The following NBPF10 variants were observed in gnomAD, a reference collection of about 807,000 sequenced individuals.
NBPF10 encodes the protein NBPF member 10.
Under a neutral mutation model 77.9 loss-of-function variants are expected in NBPF10, and 63 were observed. The observed-to-expected ratio is 0.81, with a 90% CI of 0.66 to 1.00. The LOEUF (loss-of-function observed/expected upper bound fraction) is 1.00. NBPF10 is among the 50% of genes least tolerant of loss of function. The probability of loss-of-function intolerance (pLI) is 0.00; values close to 1 mark genes in which losing one functional copy is unlikely to be tolerated. For synonymous variants in NBPF10, 146 were observed against 264.5 expected (o/e 0.55, Z 4.35); for missense variants, 522 against 679.8 (o/e 0.77, Z 2.58).
chr1:146,127,111 T>A (rs372452648), intron 12 of NBPF10, 32 bp from the exon 13 acceptor site: 6,056 of 476,616 alleles, frequency 0.013, 1,030 homozygotes, highest in Middle Eastern at 0.035. Flanking sequence ...CCCTCTTACA[T>A]TAAGTTCTTC....
chr1:146,080,994 C>CAG (rs1656250567), intron 71 of NBPF10, among the ~76,000 whole-genome samples: 1 of 80,088 alleles, frequency 1.2e-5, no homozygotes. Context: ...CACACACACA[C>CAG]ACACACACAC....
rs782498971 is a variant in NBPF10, at chr1:146,126,245, C to G, written c.2017G>C (p.Asp673His). The change falls in exon 14 of 90, where the codon GAC becomes CAC. Residue 673 changes from aspartate (D) to histidine (H), a missense_variant. By Grantham distance (81) the Asp-to-His change is moderately conservative. This residue lies in a region of NBPF10 where 178 missense variants were observed against 77.7 expected (regional missense o/e 2.29). Coordinates refer to ENST00000583866, the Ensembl canonical transcript of NBPF10. ...ATAGAAAGGTACTCACCATCCATGT[C>G]AATAGCCAAGCCAACACGCTGTTGC... 5.0e-6 allele frequency: 8 copies of G among 1,607,604 alleles called. 1 individual carries two copies. The highest frequency in any genetic ancestry group is 3.3e-5 in the South Asian group (3 of 90,846).
At chr1:146,121,822 T>C (rs1462108437) in intron 19 of NBPF10, among the ~76,000 whole-genome samples, 152 bp from the exon 20 acceptor site, 46 of 149,016 alleles carry the variant, frequency 3.1e-4, no homozygotes, top group East Asian at 1.5e-3. Context: ...TATGTTGGGA[T>C]AGAACAGGGC....
intron 89 of NBPF10, among the ~76,000 whole-genome samples, 194 bp downstream of exon 89, chr1:146,066,986 G>A (rs1559306801): frequency 1.4e-5 from 2 of 143,696 alleles, no homozygotes; most frequent in Non-Finnish European, 3.1e-5. Context: ...GTCAACCTAT[G>A]GTACGTTAGG....
intron 11 of NBPF10, among the ~76,000 whole-genome samples, chr1:146,129,887 G>T (rs1431173329): frequency 3.1e-5 from 3 of 96,886 alleles, no homozygotes; most frequent in Admixed American, 2.1e-4. Flanking sequence ...ATTATTTTTT[G>T]TGTGTATGTA....
intron 9 of NBPF10, 35 bp downstream of exon 9, chr1:146,134,158 C>A: frequency 7.1e-7 from 1 of 1,407,702 alleles, no homozygotes; most frequent in East Asian, 2.3e-5. Context: ...TCATATGTTA[C>A]CATCCATTAA....
chr1:146,068,558 T>C (rs1655439605), intron 87 of NBPF10, among the ~76,000 whole-genome samples: 1 of 30,512 alleles, frequency 3.3e-5, no homozygotes, highest in African/African-American at 9.0e-5. Flanking sequence ...ATACAGCCTT[T>C]GACGTATGGT....
At chr1:146,066,883 CAG>C in intron 89 of NBPF10, among the ~76,000 whole-genome samples, 1 of 149,662 alleles carries the variant, frequency 6.7e-6, no homozygotes, top group Non-Finnish European at 1.5e-5. Flanking sequence ...ACACAGCAAA[CAG>C]TGATCATGAA....
chr1:146,125,902 A>C (rs1208992938), intron 14 of NBPF10, among the ~76,000 whole-genome samples: 1 of 151,486 alleles, frequency 6.6e-6, no homozygotes, highest in African/African-American at 2.4e-5. Flanking sequence ...TTAGACGCTG[A>C]AATTAGAGTA....
chr1:146,066,781 G>C (rs1199780605), intron 89 of NBPF10, among the ~76,000 whole-genome samples: 2 of 151,970 alleles, frequency 1.3e-5, no homozygotes, highest in Non-Finnish European at 2.9e-5. Flanking sequence ...CAGAGACAGA[G>C]ACAGAGACAG....
chr1:146,126,594 AAGAC>A (rs1658703131), intron 13 of NBPF10, among the ~76,000 whole-genome samples, 186 bp from the exon 14 acceptor site: 1 of 78,726 alleles, frequency 1.3e-5, no homozygotes, highest in African/African-American at 3.7e-5. Flanking sequence ...ATGAACGAGA[AAGAC>A]ACACACACAC....
chr1:146,126,637 A>G (rs1339129022), intron 13 of NBPF10, among the ~76,000 whole-genome samples: 1 of 144,236 alleles, frequency 6.9e-6, no homozygotes, highest in Non-Finnish European at 1.5e-5. Context: ...ACACACACAG[A>G]GCGAGCTCAG....
At chr1:146,129,421 G>C (rs1268431520) in intron 11 of NBPF10, among the ~76,000 whole-genome samples, 2 of 141,562 alleles carry the variant, frequency 1.4e-5, no homozygotes, top group Admixed American at 1.4e-4. Context: ...TTAGTGAAAT[G>C]AAGCAAGAAG....
chr1:146,143,481 G>T (rs3969710), intron 1 of NBPF10, among the ~76,000 whole-genome samples: 5 of 131,812 alleles, frequency 3.8e-5, no homozygotes, highest in South Asian at 2.7e-4. Flanking sequence ...AAATACCTCA[G>T]GTAATTCATT....
Position 146,126,189 on chromosome 1 carries a change from C to G in NBPF10, c.2026+47G>C, listed in dbSNP as rs1440496828. 54 of 1,035,662 alleles carry G rather than the reference C, an allele frequency of 5.2e-5. 1 individual carries two copies. The highest frequency in any genetic ancestry group is 6.0e-4 in the Middle Eastern group (2 of 3,360). 64.2% of individuals were successfully genotyped at this position (1,035,662 alleles called of 1,614,324 possible). A position where few individuals can be genotyped will look rare whatever the true frequency, so the allele number is the denominator to read the frequency against. Reference sequence around the variant, plus strand: ...ACTTGCAGTAGGAATATGACCCTAACCAGAAGACTCAGTGGATCCTTATCA... The same window carrying G: ...ACTTGCAGTAGGAATATGACCCTAAGCAGAAGACTCAGTGGATCCTTATCA... On this transcript the variant is annotated intron_variant, in intron 14 of 89. Transcript: ENST00000583866.
At chr1:146,142,086 C>T (rs1452961993) in intron 2 of NBPF10, among the ~76,000 whole-genome samples, 7 of 126,820 alleles carry the variant, frequency 5.5e-5, no homozygotes, top group African/African-American at 1.0e-4. Context: ...TTCCTAATTC[C>T]GTTTCAAAAA....
intron 88 of NBPF10, 102 bp downstream of exon 88, chr1:146,067,901 C>T (rs1205059473): frequency 1.4e-6 from 1 of 703,148 alleles, no homozygotes; most frequent in Admixed American, 2.0e-5. Flanking sequence ...CTGCCTGCGG[C>T]AATGACGTCT....
At chr1:146,126,567 G>A (rs199621927) in intron 13 of NBPF10, among the ~76,000 whole-genome samples, 159 bp from the exon 14 acceptor site, 3 of 147,184 alleles carry the variant, frequency 2.0e-5, no homozygotes, top group African/African-American at 7.6e-5. Flanking sequence ...GGATTGACTA[G>A]GGCCAGGTAG....
intron 22 of NBPF10, among the ~76,000 whole-genome samples, chr1:146,119,752 C>G (rs1658027284): frequency 5.5e-5 from 1 of 18,202 alleles, no homozygotes; most frequent in Non-Finnish European, 1.0e-4. Flanking sequence ...TGGCTGGAGA[C>G]TAGGAATAGA....
Sources: gnomAD v4.1 joint callset for allele counts (sites outside exome capture counted in the v4.1 genomes callset) on GRCh38, gnomAD v4.1.1 for gene constraint, gnomAD v4.1.1 regional missense constraint, MANE v1.5 for transcripts, NCBI Gene and HGNC (gene_info 2026-07-23, HGNC 2026-07-21) for gene names.